ENPP2: variants seen among roughly 807,000 people sequenced by gnomAD.
The protein encoded by ENPP2 is ectonucleotide pyrophosphatase/phosphodiesterase 2.
Under a neutral mutation model 120.2 loss-of-function variants are expected in ENPP2, and 51 were observed. That is an observed-to-expected ratio of 0.42 (90% CI 0.34 to 0.54). ENPP2 has a LOEUF of 0.54. Among genes scored for constraint, ENPP2 ranks in the 20% least tolerant of loss-of-function variants. ENPP2 has a pLI of 0.04. For synonymous variants in ENPP2, 365 were observed against 366.4 expected (o/e 1.00, Z 0.04); for missense variants, 920 against 1,066.5 (o/e 0.86, Z 1.91).
intron 1 of ENPP2, among the ~76,000 whole-genome samples, chr8:119,649,619 G>A (rs1405723200): frequency 6.6e-6 from 1 of 152,092 alleles, no homozygotes; most frequent in Non-Finnish European, 1.5e-5. Flanking sequence ...GTGAAACGAT[G>A]ACCTACGGGT....
intron 1 of ENPP2, among the ~76,000 whole-genome samples, chr8:119,656,707 T>A (rs1817774668): frequency 6.6e-6 from 1 of 152,118 alleles, no homozygotes; most frequent in African/African-American, 2.4e-5. Flanking sequence ...AATACAGTTA[T>A]CTCCTGAATT....
In ENPP2 at chr8:119,583,744, T is replaced by A. The variant is rs1270663440; in HGVS notation, c.1516A>T (p.Asn506Tyr). Residue 506 changes from asparagine to tyrosine, a missense_variant, in exon 17 of 25, where the codon AAC (asparagine) becomes TAC (tyrosine). Asn to Tyr is a moderately radical substitution (Grantham distance 143). Transcript: ENST00000075322. The stretch of plus-strand genomic sequence containing the variant: ...CACATAACATTGTAAAGTTCAATGT[T>A]TTCAAATGGAGGCACTTTAGTCTTG... ...KYKTKVPPFE[N>Y]IELYNVMCDL... is the part of the protein sequence containing the mutation. The A allele has an allele frequency of 6.3e-7, 1 of 1,595,274 alleles. No homozygotes were observed. The highest frequency in any genetic ancestry group is 8.6e-7 in the Non-Finnish European group (1 of 1,163,810).
chr8:119,579,332 C>T (rs866294922), intron 19 of ENPP2, among the ~76,000 whole-genome samples: 2 of 152,164 alleles, frequency 1.3e-5, no homozygotes, highest in African/African-American at 2.4e-5. Flanking sequence ...TCAGCTTTGG[C>T]CAGCAAACTG....
At chr8:119,597,434 G>T (rs185910156) in intron 11 of ENPP2, among the ~76,000 whole-genome samples, 1 of 152,238 alleles carries the variant, frequency 6.6e-6, no homozygotes, top group South Asian at 2.1e-4. Context: ...GTCAAACTGG[G>T]TTTTCATCCA....
chr8:119,641,564 G>GC (rs1360173260), upstream of ENPP2, among the ~76,000 whole-genome samples: 1 of 152,204 alleles, frequency 6.6e-6, no homozygotes, highest in African/African-American at 2.4e-5. Context: ...AGAGAACACT[G>GC]CCCCCTGGCA....
intron 1 of ENPP2, among the ~76,000 whole-genome samples, chr8:119,644,675 C>T (rs1372181751): frequency 1.4e-5 from 2 of 144,216 alleles, no homozygotes; most frequent in African/African-American, 5.0e-5. Flanking sequence ...TATATACACA[C>T]ACACATATAT....
At chr8:119,669,492 A>C (rs12681008) in intron 1 of ENPP2, among the ~76,000 whole-genome samples, 49,063 of 152,078 alleles carry the variant, frequency 0.32, 8,351 homozygotes, top group East Asian at 0.55. Flanking sequence ...CTGTGACTCC[A>C]AGTTCATGGT....
At chr8:119,583,899 C>T (rs149170905) in intron 16 of ENPP2, 63 bp downstream of exon 16, 20 of 1,399,252 alleles carry the variant, frequency 1.4e-5, no homozygotes, top group African/African-American at 7.1e-5. Flanking sequence ...CTCACACCAC[C>T]ATTACTTATC....
chr8:119,637,170 C>T (rs1196736565), intron 2 of ENPP2, among the ~76,000 whole-genome samples: 1 of 152,100 alleles, frequency 6.6e-6, no homozygotes, highest in Non-Finnish European at 1.5e-5. Flanking sequence ...CAGTCACAGT[C>T]AGTGTTAATG....
At chr8:119,618,156 T>C (rs1815607266) in intron 5 of ENPP2, 2 of 367,416 alleles carry the variant, frequency 5.4e-6, no homozygotes, top group East Asian at 7.3e-5. Context: ...TGACCTGTTA[T>C]TATTCATTGG....
intron 8 of ENPP2, among the ~76,000 whole-genome samples, chr8:119,615,621 G>A (rs1442314691): frequency 1.3e-5 from 2 of 152,046 alleles, no homozygotes; most frequent in South Asian, 2.1e-4. Flanking sequence ...TCTGCTTTTT[G>A]TATTTAACTT....
At chr8:119,597,481 A>G (rs908623303) in intron 11 of ENPP2, among the ~76,000 whole-genome samples, 1 of 152,164 alleles carries the variant, frequency 6.6e-6, no homozygotes, top group African/African-American at 2.4e-5. Flanking sequence ...TTCAAATGTT[A>G]GAGGTACATG....
chr8:119,604,576 T>C (rs558601763), intron 9 of ENPP2, among the ~76,000 whole-genome samples: 1 of 85,284 alleles, frequency 1.2e-5, no homozygotes, highest in Non-Finnish European at 2.3e-5. Flanking sequence ...ACCAAGTATA[T>C]TAGAAATGGT....
intron 4 of ENPP2, among the ~76,000 whole-genome samples, chr8:119,620,813 C>A (rs1464722619): frequency 6.6e-6 from 1 of 152,160 alleles, no homozygotes; most frequent in East Asian, 1.9e-4. Context: ...GAAATGCTGG[C>A]CCCCTCATCC....
intron 9 of ENPP2, among the ~76,000 whole-genome samples, chr8:119,604,586 T>G (rs1814559797): frequency 1.7e-4 from 2 of 11,880 alleles, no homozygotes; most frequent in South Asian, 0.016. Context: ...TTAGAAATGG[T>G]CAAAAAAAAA....
intron 2 of ENPP2, among the ~76,000 whole-genome samples, chr8:119,635,187 C>T (rs1385236688): frequency 6.6e-6 from 1 of 152,150 alleles, no homozygotes; most frequent in Non-Finnish European, 1.5e-5. Context: ...TTCTGATTTC[C>T]CTATGATTCT....
Position 119,569,742 on chromosome 8 carries a change from C to CTGTGTGTGTGTGTGTG in ENPP2, c.1918-388_1918-373dup, listed in dbSNP as rs55992622. Among the ~76,000 whole-genome samples the CTGTGTGTGTGTGTGTG allele has an allele frequency of 1.5e-3, 215 of 146,408 alleles. 1 individual carries two copies. Among genetic ancestry groups the CTGTGTGTGTGTGTGTG allele is most frequent in the African/African-American group, 1.8e-3 (71 of 39,396 alleles). On this transcript the variant is annotated intron_variant, in intron 20 of 24. Transcript: ENST00000075322. ...TATCTCCTCTAAATAGACTATTTAT[C>CTGTGTGTGTGTGTGTG]TGTGTGTGTGTGTGTGTGTGTGTGT...
At chr8:119,561,157 A>G (rs1587312314) in intron 24 of ENPP2, among the ~76,000 whole-genome samples, 1 of 152,340 alleles carries the variant, frequency 6.6e-6, no homozygotes, top group East Asian at 1.9e-4. Context: ...GGATATATTT[A>G]AACTTTCTAA....
rs1204659866 is a variant in ENPP2 at position 119,616,389 on chromosome 8, T to C, written c.658-5A>G. 6.3e-7 allele frequency: 1 copy of C among 1,582,572 alleles called. No individual in the cohort carries two copies. The highest frequency in any genetic ancestry group is 1.3e-5 in the African/African-American group (1 of 74,474). On this transcript the variant is annotated splice_polypyrimidine_tract_variant and splice_region_variant and intron_variant, in intron 7 of 24. Coordinates refer to ENST00000075322, the MANE Select transcript of ENPP2 (RefSeq NM_001040092.3). Reference sequence around the variant, plus strand: ...ATGTGATTCTGGATATAGCCCCTTTTTGTAAAAGCAAATTTATTGTTAAAA... The same window carrying C: ...ATGTGATTCTGGATATAGCCCCTTTCTGTAAAAGCAAATTTATTGTTAAAA...
Sources: allele counts gnomAD v4.1 joint callset (sites outside exome capture counted in the v4.1 genomes callset), GRCh38; gene constraint gnomAD v4.1.1; transcripts MANE v1.5; gene names NCBI Gene and HGNC (gene_info 2026-07-23, HGNC 2026-07-21).